TTYH3: variants seen among roughly 807,000 people sequenced by gnomAD.
The protein encoded by TTYH3 is tweety family member 3.
In TTYH3, 23 loss-of-function variants were observed where a neutral mutation model predicts 68.2. The observed-to-expected ratio is 0.34, with a 90% confidence interval of 0.24 to 0.48. TTYH3 has a LOEUF of 0.48. Among genes scored for constraint, TTYH3 ranks in the 20% least tolerant of loss-of-function variants. The pLI is 0.99. For missense variants in TTYH3, 768 were observed against 727.7 expected, an observed-to-expected ratio of 1.06 and a Z score of -0.64; for synonymous variants, 360 against 332.8, an observed-to-expected ratio of 1.08 and a Z score of -0.89.
At chr7:2,633,858 C>T (rs945820443) in intron 1 of TTYH3, among the ~76,000 whole-genome samples, 4 of 152,226 alleles carry the variant, frequency 2.6e-5, no homozygotes, top group African/African-American at 9.6e-5. Context: ...TCCAGCCCTC[C>T]GGGGTGCCTG....
chr7:2,653,849 C>T (rs369085132), intron 9 of TTYH3, among the ~76,000 whole-genome samples: 11 of 152,124 alleles, frequency 7.2e-5, no homozygotes, highest in Admixed American at 4.6e-4. Context: ...GGCAACAGAG[C>T]GAGACTCCAT....
intron 7 of TTYH3, among the ~76,000 whole-genome samples, chr7:2,651,320 T>G (rs1174099404): frequency 6.6e-6 from 1 of 152,176 alleles, no homozygotes; most frequent in African/African-American, 2.4e-5. Context: ...TACCTGCCTT[T>G]GTTGAAGGAA....
chr7:2,658,331 G>T lies in TTYH3; in HGVS notation c.1296G>T (p.Arg432=), dbSNP rs1421437558. 5 of 1,602,782 alleles carry T rather than the reference G, an allele frequency of 3.1e-6. No homozygotes were observed. Among genetic ancestry groups the T allele is most frequent in the Non-Finnish European group, 4.3e-6 (5 of 1,174,860 alleles). The change falls in exon 12 of 14, where the codon CGG becomes CGT. Residue 432 remains arginine (R), a synonymous_variant. Transcript: ENST00000258796. The stretch of plus-strand genomic sequence containing the variant: ...AGGAGGAGGCCGCTCCAGGGCCGCG[G>T]CAGGCGCACGACAGCCTCTACCGCG... ...DGEEEAAPGP[R]QAHDSLYRVH... is the part of the protein sequence containing the mutation.
rs750634101 is a variant in TTYH3 at position 2,647,985 on chromosome 7, T to C, written c.653T>C (p.Leu218Pro). Residue 218 changes from leucine (L) to proline (P), a missense_variant, in exon 5 of 14, where the codon CTG becomes CCG. Leu to Pro is a moderately conservative substitution (Grantham distance 98). Transcript: ENST00000258796. ...YRWLGYLGLL[L>P]LDVIICLLVL... ...TGGCTGGGCTACCTGGGCCTGCTGC[T>C]GCTGGACGTCATCATCTGCCTCCTG... is the stretch of plus-strand genomic sequence containing the variant. 1 of 1,610,348 alleles carries C rather than the reference T, an allele frequency of 6.2e-7. No homozygotes were observed. Among genetic ancestry groups the C allele is most frequent in the Non-Finnish European group, 8.5e-7 (1 of 1,179,888 alleles).
At chr7:2,648,162 G>C in intron 5 of TTYH3, 108 bp downstream of exon 5, 1 of 1,084,428 alleles carries the variant, frequency 9.2e-7, no homozygotes, top group Non-Finnish European at 1.3e-6. Context: ...CACAAGCTCT[G>C]CGGTGGGGGC....
At position 2,647,558 on chromosome 7, in the gene TTYH3, G is replaced by C. The variant is rs1293540083; in HGVS notation, c.546G>C (p.Thr182=). 2 of 1,560,766 alleles carry C rather than the reference G, an allele frequency of 1.3e-6. No individual in the cohort carries two copies. Among genetic ancestry groups the C allele is most frequent in the African/African-American group, 2.7e-5 (2 of 73,622 alleles). Reference sequence around the variant, plus strand: ...TGCTGGAGACGCTGCTGGGCTACACGGCCGCCATCCCCTTTTGGAGGAACA... The same window carrying C: ...TGCTGGAGACGCTGCTGGGCTACACCGCCGCCATCCCCTTTTGGAGGAACA... The part of the protein sequence containing the change: ...QGLLETLLGY[T]AAIPFWRNTA... Residue 182 remains threonine (T), a synonymous_variant, in exon 4 of 14, where the codon ACG becomes ACC. Transcript: ENST00000258796.
intron 1 of TTYH3, among the ~76,000 whole-genome samples, chr7:2,639,857 C>T (rs1677619224): frequency 6.6e-6 from 1 of 152,190 alleles, no homozygotes; most frequent in Non-Finnish European, 1.5e-5. Context: ...AACCCACCTT[C>T]TGCCCACCCC....
chr7:2,646,827 C>T lies in TTYH3; in HGVS notation c.124-26C>T, dbSNP rs761644036. The T allele has an allele frequency of 1.2e-5, 19 of 1,584,472 alleles. 1 individual carries two copies. In the South Asian group the frequency reaches 2.1e-4, roughly 18 times the overall value. On this transcript the variant is annotated intron_variant, in intron 1 of 13. Coordinates refer to ENST00000258796, the MANE Select transcript of TTYH3 (RefSeq NM_025250.3). ...ACTCTGAGCTGGGGGTCCACCCCTC[C>T]AGCGCCGCTTCCTGCCTGCCCTCAG...
chr7:2,635,260 G>C (rs188388505), intron 1 of TTYH3, among the ~76,000 whole-genome samples: 3 of 152,208 alleles, frequency 2.0e-5, no homozygotes, highest in Non-Finnish European at 4.4e-5. Context: ...GTCCTGCCCC[G>C]GGCAGGGGCC....
At position 2,661,698 on chromosome 7, in the gene TTYH3, G is replaced by T. The variant is rs989570033; in HGVS notation, c.1531G>T (p.Ala511Ser). 1 of 1,610,840 alleles carries T rather than the reference G, an allele frequency of 6.2e-7. No individual in the cohort carries two copies. The highest frequency in any genetic ancestry group is 8.5e-7 in the Non-Finnish European group (1 of 1,179,036). ...YTSSMRAKYL[A>S]TSQPRPDSSG... Reference sequence around the variant, plus strand: ...CTCCAGCATGAGAGCCAAATACCTCGCCACGAGCCAGCCTCGCCCTGACTC... The same window carrying T: ...CTCCAGCATGAGAGCCAAATACCTCTCCACGAGCCAGCCTCGCCCTGACTC... The change falls in exon 14 of 14, where the codon GCC (alanine) becomes TCC (serine). Residue 511 changes from alanine (A) to serine (S), a missense_variant. Ala to Ser is a moderately conservative substitution (Grantham distance 99, BLOSUM62 1). Transcript: ENST00000258796.
intron 1 of TTYH3, among the ~76,000 whole-genome samples, chr7:2,638,993 C>T (rs993055173): frequency 1.5e-4 from 23 of 152,112 alleles, no homozygotes; most frequent in Admixed American, 1.2e-3. Context: ...CCTAGGGATC[C>T]CGCCCCTTTC....
At chr7:2,640,783 C>G (rs1208830534) in intron 1 of TTYH3, among the ~76,000 whole-genome samples, 2 of 89,232 alleles carry the variant, frequency 2.2e-5, no homozygotes, top group Non-Finnish European at 4.2e-5. Flanking sequence ...GTCGTCTGCT[C>G]AAGTGCCCCG....
intron 9 of TTYH3, among the ~76,000 whole-genome samples, chr7:2,654,455 AAAAAAAT>A (rs1440156468): frequency 1.4e-5 from 2 of 147,112 alleles, no homozygotes; most frequent in Non-Finnish European, 3.0e-5. Context: ...ACACACATAA[AAAAAAAT>A]TAAAAATAAA....
At chr7:2,651,232 A>G (rs1253131363) in intron 7 of TTYH3, among the ~76,000 whole-genome samples, 2 of 152,132 alleles carry the variant, frequency 1.3e-5, no homozygotes, top group Non-Finnish European at 2.9e-5. Flanking sequence ...GGTGAGGGTT[A>G]CTGAATGACC....
rs753305266 is a variant in TTYH3, at chr7:2,646,873, C to G, written c.144C>G (p.Ala48=). The G allele has an allele frequency of 1.3e-6, 2 of 1,596,558 alleles. No homozygotes were observed. The highest frequency in any genetic ancestry group is 3.3e-5 in the Admixed American group (2 of 59,836). The change falls in exon 2 of 14, where the codon GCC becomes GCG. Residue 48 remains alanine, a synonymous_variant. Coordinates refer to ENST00000258796, the MANE Select transcript of TTYH3 (RefSeq NM_025250.3). ...DYQQALLLLG[A]AALACLALDL... Reference sequence around the variant, plus strand: ...CTCAGGCCCTGCTGCTCCTGGGGGCCGCCGCCCTGGCCTGCCTCGCCCTGG... The same window carrying G: ...CTCAGGCCCTGCTGCTCCTGGGGGCGGCCGCCCTGGCCTGCCTCGCCCTGG...
At position 2,658,287 on chromosome 7, in the gene TTYH3, G is replaced by A. The variant is rs1231356654; in HGVS notation, c.1252G>A (p.Gly418Ser). 6.4e-7 allele frequency: 1 copy of A among 1,571,208 alleles called. No homozygotes were observed. Among genetic ancestry groups the A allele is most frequent in the South Asian group, 1.2e-5 (1 of 86,418 alleles). ...CGTGCTGCGTGTCCCTCCTCACAGA[G>A]GCCCTGATGAGGACGGGGAGGAGGA... is the stretch of plus-strand genomic sequence containing the variant. ...SVPHTWQQKR[G>S]PDEDGEEEAA... The change falls in exon 12 of 14, where the codon GGC (glycine) becomes AGC (serine). Residue 418 changes from glycine (G) to serine (S), a missense_variant and splice_region_variant. Gly to Ser is a moderately conservative substitution (Grantham distance 56, BLOSUM62 0). Transcript: ENST00000258796.
chr7:2,643,023 A>G (rs1005650197), intron 1 of TTYH3, among the ~76,000 whole-genome samples: 2 of 149,722 alleles, frequency 1.3e-5, no homozygotes, highest in Non-Finnish European at 1.5e-5. Context: ...AGATCACACC[A>G]CTGCACTCCA....
Position 2,656,532 on chromosome 7 carries a change from G to A in TTYH3, c.1248G>A (p.Lys416=). The change falls in exon 11 of 14, where the codon AAG becomes AAA. Residue 416 remains lysine (K), a splice_region_variant and synonymous_variant. Coordinates refer to ENST00000258796, the MANE Select transcript of TTYH3 (RefSeq NM_025250.3). ...GCGTCCCGCACACCTGGCAGCAAAA[G>A]AGGTGAGGGGCCCTGGGGGGTCGCA... ...VCSVPHTWQQ[K]RGPDEDGEEE... is the part of the protein sequence containing the mutation. 6.2e-7 allele frequency: 1 copy of A among 1,601,838 alleles called. No individual in the cohort carries two copies. Among genetic ancestry groups the A allele is most frequent in the Non-Finnish European group, 8.5e-7 (1 of 1,175,972 alleles).
chr7:2,658,501 CT>C, intron 12 of TTYH3, 42 bp downstream of exon 12: 1 of 1,574,424 alleles, frequency 6.4e-7, no homozygotes, highest in Non-Finnish European at 8.7e-7. Context: ...GACACGTCAG[CT>C]GCGGCTGAGA....
Sources: gnomAD v4.1 joint callset for allele counts (sites outside exome capture counted in the v4.1 genomes callset) on GRCh38, gnomAD v4.1.1 for gene constraint, MANE v1.5 for transcripts, NCBI Gene and HGNC (gene_info 2026-07-23, HGNC 2026-07-21) for gene names.